MALRD1: variants seen among roughly 807,000 people sequenced by gnomAD.
MALRD1 encodes MAM and LDL receptor class A domain containing 1.
In MALRD1, 247 loss-of-function variants were observed where a neutral mutation model predicts 242.1. That is an observed-to-expected ratio of 1.02 (90% CI 0.92 to 1.13). The LOEUF (loss-of-function observed/expected upper bound fraction) is 1.13, where lower values mean the gene tolerates loss of function less well. Among genes scored for constraint, MALRD1 ranks in the 50% most tolerant of loss-of-function variants. The pLI is 0.00. For synonymous variants in MALRD1, 995 were observed against 866.6 expected (o/e 1.15, Z -2.60); for missense variants, 2,989 against 2,533.1 (o/e 1.18, Z -3.86).
At chr10:19,283,617 T>C (rs540696809) in intron 21 of MALRD1, among the ~76,000 whole-genome samples, 18 of 152,240 alleles carry the variant, frequency 1.2e-4, no homozygotes, top group African/African-American at 3.6e-4. Context: ...CTCACTCCGA[T>C]GTGTATTTGT....
intron 5 of MALRD1, among the ~76,000 whole-genome samples, chr10:19,104,310 G>C (rs1836386303): frequency 1.3e-5 from 2 of 152,122 alleles, no homozygotes; most frequent in Non-Finnish European, 2.9e-5. Context: ...TCTCAAACTT[G>C]AAATCTTGTA....
At chr10:19,282,394 A>G (rs1414069093) in intron 20 of MALRD1, among the ~76,000 whole-genome samples, 3 of 152,232 alleles carry the variant, frequency 2.0e-5, no homozygotes, top group Admixed American at 6.5e-5. Flanking sequence ...TATAGTATAC[A>G]CAAGAATTTC....
intron 19 of MALRD1, among the ~76,000 whole-genome samples, chr10:19,270,330 TCTCTCTCACACACACACACACA>T (rs1443680545): frequency 1.1e-4 from 12 of 106,996 alleles, no homozygotes; most frequent in Admixed American, 1.9e-4. Flanking sequence ...TCTCTCTCTC[TCTCTCTCACACACACACACACA>T]CACACACACA....
At chr10:19,150,216 CTG>C (rs1356290064) in intron 11 of MALRD1, among the ~76,000 whole-genome samples, 6 of 152,090 alleles carry the variant, frequency 3.9e-5, no homozygotes, top group Admixed American at 3.9e-4. Flanking sequence ...ATGCCTATGT[CTG>C]TTTTTGTTTT....
intron 18 of MALRD1, among the ~76,000 whole-genome samples, chr10:19,256,980 C>A (rs752239111): frequency 4.0e-4 from 61 of 152,050 alleles, no homozygotes; most frequent in Non-Finnish European, 7.6e-4. Flanking sequence ...TAAAATAATT[C>A]ATCATGATCA....
intron 28 of MALRD1, among the ~76,000 whole-genome samples, chr10:19,432,402 A>T (rs1589063814): frequency 6.6e-6 from 1 of 152,192 alleles, no homozygotes; most frequent in East Asian, 1.9e-4. Context: ...TTTTACCTAT[A>T]TCAGAGAAAG....
chr10:19,215,725 G>T (rs1837282442), intron 18 of MALRD1, among the ~76,000 whole-genome samples: 1 of 115,292 alleles, frequency 8.7e-6, no homozygotes, highest in Non-Finnish European at 1.9e-5. Flanking sequence ...TAATAAATTA[G>T]TATAAATAAT....
chr10:19,435,600 G>A (rs1278204637), intron 28 of MALRD1, among the ~76,000 whole-genome samples: 1 of 152,144 alleles, frequency 6.6e-6, no homozygotes, highest in Non-Finnish European at 1.5e-5. Flanking sequence ...GTAATATGTT[G>A]GAGAATAAGA....
chr10:19,288,272 C>T (rs1337024008), intron 21 of MALRD1, among the ~76,000 whole-genome samples: 1 of 151,912 alleles, frequency 6.6e-6, no homozygotes, highest in Non-Finnish European at 1.5e-5. Context: ...AGCAGGGTAC[C>T]CATCCCCTAA....
Position 19,347,847 on chromosome 10 carries a change from G to A in MALRD1, c.3978G>A (p.Trp1326Ter), listed in dbSNP as rs1588948175. Reference protein sequence around the residue: ...WKQEKDEDFDWNLKASSIPAA... With the variant: ...WKQEKDEDFD ...AGGAGAAAGATGAGGACTTTGACTGGAACCTGAAAGCTAGCAGCATCCCTG... is the reference window on the plus strand; with the variant it reads ...AGGAGAAAGATGAGGACTTTGACTGAAACCTGAAAGCTAGCAGCATCCCTG... The change falls in exon 25 of 40, where the codon TGG becomes TGA. Residue 1326 changes from tryptophan to a stop codon, truncating the protein, a stop_gained. Transcript: ENST00000454679. LOFTEE classifies it high-confidence loss of function. The A allele has an allele frequency of 6.4e-7, 1 of 1,550,402 alleles. No homozygotes were observed. Among genetic ancestry groups the A allele is most frequent in the East Asian group, 2.4e-5 (1 of 40,904 alleles).
intron 30 of MALRD1, among the ~76,000 whole-genome samples, chr10:19,495,944 G>T (rs1837695783): frequency 6.6e-6 from 1 of 152,276 alleles, no homozygotes; most frequent in Non-Finnish European, 1.5e-5. Flanking sequence ...AGACAAAATA[G>T]ACTTTAAACC....
At chr10:19,530,076 C>G (rs1465391354) in intron 31 of MALRD1, among the ~76,000 whole-genome samples, 1 of 151,530 alleles carries the variant, frequency 6.6e-6, no homozygotes, top group Non-Finnish European at 1.5e-5. Flanking sequence ...GCAAAAGACT[C>G]AGAATAGCCA....
At chr10:19,237,273 C>A (rs915884900) in intron 18 of MALRD1, among the ~76,000 whole-genome samples, 3 of 151,218 alleles carry the variant, frequency 2.0e-5, no homozygotes, top group Non-Finnish European at 4.4e-5. Context: ...GTTAACCAGT[C>A]TCCCTCCATT....
intron 31 of MALRD1, among the ~76,000 whole-genome samples, chr10:19,507,613 A>G (rs1212823128): frequency 1.3e-5 from 2 of 152,160 alleles, no homozygotes; most frequent in East Asian, 1.9e-4. Context: ...AATTTTAAAC[A>G]ATACATTGGA....
intron 18 of MALRD1, among the ~76,000 whole-genome samples, chr10:19,242,570 ATAT>A (rs1564496519): frequency 6.6e-6 from 1 of 152,038 alleles, no homozygotes. Context: ...TTTAAATCTA[ATAT>A]TTGCTTTATA....
At chr10:19,417,210 T>C (rs1833544220) in intron 28 of MALRD1, among the ~76,000 whole-genome samples, 1 of 152,216 alleles carries the variant, frequency 6.6e-6, no homozygotes, top group South Asian at 2.1e-4. Context: ...TCTCTCTGGG[T>C]CATTGTATCC....
intron 38 of MALRD1, among the ~76,000 whole-genome samples, chr10:19,719,321 G>C (rs186052799): frequency 7.2e-4 from 107 of 148,136 alleles, no homozygotes; most frequent in Non-Finnish European, 1.3e-3. Flanking sequence ...TTAGGTGGTT[G>C]TGAATTTGCT....
chr10:19,372,135 TTGTA>T lies in MALRD1; in HGVS notation c.4442-15390_4442-15387del, dbSNP rs537186095. 6.0e-3 allele frequency among the ~76,000 whole-genome samples: 921 copies of T among 152,304 alleles called. 6 individuals carry two copies. The highest frequency in any genetic ancestry group is 0.011 in the Non-Finnish European group (717 of 68,006). On this transcript the variant is annotated intron_variant, in intron 26 of 39. Coordinates refer to ENST00000454679, the MANE Select transcript of MALRD1 (RefSeq NM_001142308.3). Reference sequence around the variant, plus strand: ...TAATTAAATTCAAGACAAATAATAGTTGTATGAGAACTTAAATATAACATACTAT... The same window carrying T: ...TAATTAAATTCAAGACAAATAATAGTTGAGAACTTAAATATAACATACTAT...
chr10:19,700,492 T>A (rs922088994), intron 38 of MALRD1, among the ~76,000 whole-genome samples: 1 of 152,088 alleles, frequency 6.6e-6, no homozygotes, highest in Non-Finnish European at 1.5e-5. Context: ...AGGAAGGAGG[T>A]TGATAAAATA....
Sources: allele counts gnomAD v4.1 joint callset (sites outside exome capture counted in the v4.1 genomes callset), GRCh38; gene constraint gnomAD v4.1.1; transcripts MANE v1.5; gene names NCBI Gene and HGNC (gene_info 2026-07-23, HGNC 2026-07-21).